STK32C: variants seen among roughly 807,000 people sequenced by gnomAD.
STK32C encodes the protein serine/threonine kinase 32C.
In STK32C, 31 loss-of-function variants were observed where a neutral mutation model predicts 56.5. The ratio of observed to expected loss-of-function variants is 0.55; its 90% CI spans 0.41 to 0.74. The LOEUF (loss-of-function observed/expected upper bound fraction) is 0.74, where lower values mean the gene tolerates loss of function less well. Among genes scored for constraint, STK32C ranks in the 30% least tolerant of loss-of-function variants. STK32C has a pLI of 0.00. For missense variants in STK32C, 544 were observed against 676.9 expected (o/e 0.80, Z 2.18); for synonymous variants, 309 against 289.4 (o/e 1.07, Z -0.69).
chr10:132,272,854 C>CCCCAGA (rs2064872977), intron 1 of STK32C, among the ~76,000 whole-genome samples: 1 of 152,206 alleles, frequency 6.6e-6, no homozygotes, highest in South Asian at 2.1e-4. Flanking sequence ...CAGGACCCAG[C>CCCCAGA]CCCAGACCCC....
intron 1 of STK32C, among the ~76,000 whole-genome samples, chr10:132,326,607 G>A (rs894571028): frequency 6.6e-6 from 1 of 152,260 alleles, no homozygotes; most frequent in East Asian, 1.9e-4. Context: ...ACAGGCGTGA[G>A]CCACCTCGCC....
intron 2 of STK32C, among the ~76,000 whole-genome samples, chr10:132,245,280 A>C (rs538458437): frequency 1.6e-3 from 243 of 152,332 alleles, no homozygotes; most frequent in Admixed American, 4.0e-3. Flanking sequence ...TGATTCATCC[A>C]CAACAGAGCT....
At chr10:132,270,299 T>G (rs1411112625) in intron 1 of STK32C, among the ~76,000 whole-genome samples, 1 of 152,220 alleles carries the variant, frequency 6.6e-6, no homozygotes, top group Non-Finnish European at 1.5e-5. Flanking sequence ...ATTATCCAGG[T>G]GGGCCCTAAC....
chr10:132,244,336 G>A (rs1406834784), intron 2 of STK32C, among the ~76,000 whole-genome samples: 2 of 152,190 alleles, frequency 1.3e-5, no homozygotes, highest in Non-Finnish European at 2.9e-5. Flanking sequence ...TGGCGTTTCC[G>A]AGCCTCTTAA....
chr10:132,317,261 G>A (rs1205777200), intron 1 of STK32C, among the ~76,000 whole-genome samples: 1 of 152,244 alleles, frequency 6.6e-6, no homozygotes, highest in East Asian at 1.9e-4. Flanking sequence ...AGGCCTAAAT[G>A]TAGGAGCTAA....
At chr10:132,276,888 C>G (rs2065012014) in intron 1 of STK32C, among the ~76,000 whole-genome samples, 1 of 152,244 alleles carries the variant, frequency 6.6e-6, no homozygotes, top group East Asian at 1.9e-4. Flanking sequence ...CTATGGCTCC[C>G]CAGGGCTCGA....
chr10:132,253,507 TGAGGGAGCTGAGGGAGCCG>T, intron 1 of STK32C, among the ~76,000 whole-genome samples: 1 of 71,844 alleles, frequency 1.4e-5, no homozygotes, highest in African/African-American at 7.7e-5. Flanking sequence ...TCGAGGGAGC[TGAGGGAGCTGAGGGAGCCG>T]GAGGGAGCTG....
At chr10:132,240,265 G>A (rs562790851) in intron 2 of STK32C, among the ~76,000 whole-genome samples, 7 of 152,340 alleles carry the variant, frequency 4.6e-5, no homozygotes, top group African/African-American at 1.4e-4. Flanking sequence ...GAGTCCCCCC[G>A]ATGGATGAGG....
At chr10:132,232,255 G>A (rs1295109368) in intron 2 of STK32C, among the ~76,000 whole-genome samples, 1 of 152,358 alleles carries the variant, frequency 6.6e-6, no homozygotes, top group East Asian at 1.9e-4. Context: ...GGACTGTCAG[G>A]CACGTTGAAG....
At chr10:132,252,873 C>T (rs529323503) in intron 1 of STK32C, among the ~76,000 whole-genome samples, 29 of 152,274 alleles carry the variant, frequency 1.9e-4, no homozygotes, top group Admixed American at 3.9e-4. Flanking sequence ...GAGCGTGGGG[C>T]CGCCTCCTCC....
chr10:132,258,893 G>T (rs775239318), intron 1 of STK32C, among the ~76,000 whole-genome samples: 1 of 152,280 alleles, frequency 6.6e-6, no homozygotes, highest in Non-Finnish European at 1.5e-5. Context: ...CCCGTGGGCA[G>T]ACGGGGGTTG....
intron 1 of STK32C, among the ~76,000 whole-genome samples, chr10:132,266,380 G>C (rs1452397679): frequency 1.3e-5 from 2 of 152,152 alleles, no homozygotes; most frequent in Non-Finnish European, 2.9e-5. Flanking sequence ...AACGTTCTCT[G>C]TCTCCATGGG....
chr10:132,268,558 T>TGTGTGTGTGC (rs1279362200), intron 1 of STK32C, among the ~76,000 whole-genome samples: 16 of 143,150 alleles, frequency 1.1e-4, no homozygotes, highest in African/African-American at 3.9e-4. Context: ...TGTGTGTGTG[T>TGTGTGTGTGC]GTGCCTGCGT....
chr10:132,294,575 G>A (rs1417570791), intron 1 of STK32C, among the ~76,000 whole-genome samples: 2 of 152,174 alleles, frequency 1.3e-5, no homozygotes, highest in Admixed American at 1.3e-4. Flanking sequence ...GCCATCTGAT[G>A]CCTGGCGCCC....
intron 1 of STK32C, among the ~76,000 whole-genome samples, chr10:132,317,765 G>T (rs890711788): frequency 6.6e-6 from 1 of 151,870 alleles, no homozygotes; most frequent in Non-Finnish European, 1.5e-5. Context: ...AGATCACAAG[G>T]TCAAGAGATC....
chr10:132,311,378 C>G (rs577172028), upstream of STK32C, among the ~76,000 whole-genome samples: 3 of 152,230 alleles, frequency 2.0e-5, no homozygotes, highest in Non-Finnish European at 4.4e-5. The surrounding 1 kb of genome is among the most constrained non-coding windows in gnomAD (Gnocchi z 4.4). Context: ...GGAGAATCCA[C>G]GGACAGCCTC....
upstream of STK32C, among the ~76,000 whole-genome samples, chr10:132,308,236 G>C (rs1296744164): frequency 1.3e-5 from 2 of 152,168 alleles, no homozygotes; most frequent in Non-Finnish European, 2.9e-5. Context: ...GCTCAGACTA[G>C]ACGGCGGGTA....
intron 1 of STK32C, 48 bp from the exon 2 acceptor site, chr10:132,246,003 C>T: frequency 6.4e-7 from 1 of 1,573,018 alleles, no homozygotes; most frequent in East Asian, 2.2e-5. Flanking sequence ...AGCAAGGCCC[C>T]ACCCCAGAGC....
At chr10:132,220,044 C>G (rs896570380) in intron 10 of STK32C, among the ~76,000 whole-genome samples, 1 of 152,156 alleles carries the variant, frequency 6.6e-6, no homozygotes, top group Non-Finnish European at 1.5e-5. Flanking sequence ...GTGGTATGGG[C>G]CAAACTGTGT....
Sources: gnomAD v4.1 joint callset for allele counts (sites outside exome capture counted in the v4.1 genomes callset) on GRCh38, gnomAD v4.1.1 for gene constraint, Gnocchi (gnomAD v3.1) non-coding constraint, MANE v1.5 for transcripts, NCBI Gene and HGNC (gene_info 2026-07-23, HGNC 2026-07-21) for gene names.